CFAP299: variants seen among roughly 807,000 people sequenced by gnomAD.
CFAP299 encodes the protein cilia- and flagella-associated protein 299.
Under a neutral mutation model 27.0 loss-of-function variants are expected in CFAP299, and 21 were observed. The ratio of observed to expected loss-of-function variants is 0.78; its 90% confidence interval spans 0.55 to 1.12. CFAP299 has a LOEUF of 1.12. Among genes scored for constraint, CFAP299 ranks in the 50% most tolerant of loss-of-function variants. CFAP299 has a pLI of 0.00. For missense variants in CFAP299, 310 were observed against 276.6 expected (o/e 1.12, Z -0.86); for synonymous variants, 104 against 98.1 (o/e 1.06, Z -0.36).
rs138306285 is a variant in CFAP299, at chr4:80,381,298, A to G, written c.242+18414A>G. 1.4e-4 allele frequency among the ~76,000 whole-genome samples: 22 copies of G among 152,138 alleles called. No individual in the cohort carries two copies. In the East Asian group the frequency reaches 3.5e-3, roughly 24 times the overall value. On this transcript the variant is annotated intron_variant, in intron 2 of 5. Coordinates refer to ENST00000358105, the MANE Select transcript of CFAP299 (RefSeq NM_152770.3). ...TTTTATATTTTAGAGTGTCTTCAAA[A>G]TCTCCTTGATGAAAATTCTAATTGG...
intron 5 of CFAP299, among the ~76,000 whole-genome samples, chr4:80,952,315 C>CTTAAAA (rs1737822293): frequency 2.0e-5 from 3 of 152,074 alleles, no homozygotes; most frequent in African/African-American, 7.2e-5. Context: ...TTGAGGTTAA[C>CTTAAAA]TTAAAATATT....
intron 3 of CFAP299, among the ~76,000 whole-genome samples, chr4:80,686,807 A>G (rs2110010830): frequency 6.6e-6 from 1 of 152,328 alleles, no homozygotes; most frequent in Admixed American, 6.5e-5. Context: ...TATGAAAACT[A>G]CAGCACAGTG....
At chr4:80,862,604 C>A (rs546921631) in intron 3 of CFAP299, among the ~76,000 whole-genome samples, 6 of 152,178 alleles carry the variant, frequency 3.9e-5, no homozygotes, top group Admixed American at 3.9e-4. Context: ...TTTGCAATGA[C>A]ATTTGGTTCC....
intron 3 of CFAP299, among the ~76,000 whole-genome samples, chr4:80,758,442 A>C (rs538793122): frequency 6.6e-6 from 1 of 152,056 alleles, no homozygotes; most frequent in East Asian, 1.9e-4. Context: ...TTATGGGCAT[A>C]GGATGGGGGG....
chr4:80,518,194 G>T (rs186721254), intron 2 of CFAP299, among the ~76,000 whole-genome samples: 3 of 152,148 alleles, frequency 2.0e-5, no homozygotes, highest in Admixed American at 6.6e-5. Context: ...GATAATATTA[G>T]CAATTGGTGT....
intron 3 of CFAP299, among the ~76,000 whole-genome samples, chr4:80,823,781 A>T (rs1729835352): frequency 6.6e-6 from 1 of 152,104 alleles, no homozygotes; most frequent in African/African-American, 2.4e-5. Flanking sequence ...CCCCTTTTCT[A>T]GATAAGGGTA....
chr4:80,423,913 C>T (rs551964687), intron 2 of CFAP299, among the ~76,000 whole-genome samples: 1 of 152,308 alleles, frequency 6.6e-6, no homozygotes, highest in Non-Finnish European at 1.5e-5. Flanking sequence ...GTCTACTGCA[C>T]CTGAGGGACA....
chr4:80,460,294 C>G (rs1326218496), intron 2 of CFAP299, among the ~76,000 whole-genome samples: 1 of 152,120 alleles, frequency 6.6e-6, no homozygotes, highest in South Asian at 2.1e-4. Context: ...GAAAGCTTGG[C>G]TGTTTATTTC....
intron 2 of CFAP299, among the ~76,000 whole-genome samples, chr4:80,494,871 C>T (rs764724752): frequency 4.6e-5 from 7 of 151,934 alleles, no homozygotes; most frequent in Non-Finnish European, 7.4e-5. Flanking sequence ...AGAAATCAGC[C>T]AAAAGAGAGG....
chr4:80,650,198 T>C (rs1231781891), intron 3 of CFAP299, among the ~76,000 whole-genome samples: 1 of 152,094 alleles, frequency 6.6e-6, no homozygotes, highest in Non-Finnish European at 1.5e-5. Context: ...TTGGAAATTA[T>C]ACTTTTTGTG....
At chr4:80,470,362 T>C (rs1455164026) in intron 2 of CFAP299, among the ~76,000 whole-genome samples, 1 of 152,210 alleles carries the variant, frequency 6.6e-6, no homozygotes, top group Admixed American at 6.5e-5. Context: ...TCTCGTTTTC[T>C]TTCTTATGTT....
At chr4:80,457,153 A>G (rs774926856) in intron 2 of CFAP299, among the ~76,000 whole-genome samples, 2 of 152,188 alleles carry the variant, frequency 1.3e-5, no homozygotes, top group Non-Finnish European at 2.9e-5. Context: ...GTAGGGTATA[A>G]ATAAACTATT....
rs374188316 is a variant in CFAP299 at position 80,456,350 on chromosome 4, C to CTATA, written c.242+93467_242+93470dup. ...CTGATATAAAGGGATCTCCCTCTGG[C>CTATA]TATAATAAGAATAGTTTGTAGTGAG... On this transcript the variant is annotated intron_variant, in intron 2 of 5. Transcript: ENST00000358105. 5.1e-3 allele frequency among the ~76,000 whole-genome samples: 772 copies of CTATA among 152,090 alleles called. 4 individuals carry two copies. Among genetic ancestry groups the CTATA allele is most frequent in the Middle Eastern group, 0.017 (5 of 294 alleles).
At chr4:80,448,943 A>G (rs2110094584) in intron 2 of CFAP299, among the ~76,000 whole-genome samples, 1 of 152,302 alleles carries the variant, frequency 6.6e-6, no homozygotes, top group East Asian at 1.9e-4. Context: ...TGGCCATCTA[A>G]TCTCCTACCT....
intron 5 of CFAP299, among the ~76,000 whole-genome samples, chr4:80,946,337 G>A (rs936807510): frequency 1.3e-5 from 2 of 151,992 alleles, no homozygotes; most frequent in South Asian, 4.2e-4. Context: ...TCATTTTCTT[G>A]GGCCAAAATA....
At position 80,721,209 on chromosome 4, in the gene CFAP299, T is replaced by C. The variant is rs187101854; in HGVS notation, c.333+138026T>C. ...AAATAATGGCTGAAAATTTTCAAATTTGATGGAAATCCAAGAAGCTCAATG... is the reference window on the plus strand; with the variant it reads ...AAATAATGGCTGAAAATTTTCAAATCTGATGGAAATCCAAGAAGCTCAATG... On this transcript the variant is annotated intron_variant, in intron 3 of 5. Coordinates refer to ENST00000358105, the MANE Select transcript of CFAP299 (RefSeq NM_152770.3). Among the ~76,000 whole-genome samples the C allele has an allele frequency of 3.8e-3, 577 of 152,242 alleles. 5 individuals carry two copies. Among genetic ancestry groups the C allele is most frequent in the Non-Finnish European group, 5.9e-3 (401 of 68,002 alleles).
chr4:80,753,796 A>T (rs1269738044), intron 3 of CFAP299, among the ~76,000 whole-genome samples: 1 of 151,984 alleles, frequency 6.6e-6, no homozygotes, highest in Non-Finnish European at 1.5e-5. Flanking sequence ...GGCACTTCTC[A>T]TCTCCTTTTC....
At chr4:80,905,616 G>A (rs1735144383) in intron 4 of CFAP299, among the ~76,000 whole-genome samples, 1 of 152,168 alleles carries the variant, frequency 6.6e-6, no homozygotes, top group African/African-American at 2.4e-5. Flanking sequence ...TTGACTCACA[G>A]TTCCACAGGG....
At position 80,494,148 on chromosome 4, in the gene CFAP299, C is replaced by A. The variant is rs184885063; in HGVS notation, c.243-88945C>A. Among the ~76,000 whole-genome samples, 10 of 152,280 alleles carry A rather than the reference C, an allele frequency of 6.6e-5. No individual in the cohort carries two copies. The East Asian group carries it at 1.7e-3, about 27-fold the overall frequency. ...CTTCTTCCTGTTCTTCCCATCTCAG[C>A]ATTTCTGAATCAGCTGGTTCCTGTC... On this transcript the variant is annotated intron_variant, in intron 2 of 5. Transcript: ENST00000358105.
Sources: gnomAD v4.1 joint callset for allele counts (sites outside exome capture counted in the v4.1 genomes callset) on GRCh38, gnomAD v4.1.1 for gene constraint, MANE v1.5 for transcripts, NCBI Gene and HGNC (gene_info 2026-07-23, HGNC 2026-07-21) for gene names.